INTS6: variants seen among roughly 807,000 people sequenced by gnomAD.
INTS6 encodes the protein DEAD box protein.
A neutral mutation model predicts 104.9 loss-of-function variants in INTS6; 16 were observed. The ratio of observed to expected loss-of-function variants is 0.15; its 90% confidence interval spans 0.10 to 0.23. INTS6 has a LOEUF of 0.23. Among genes scored for constraint, INTS6 ranks in the 10% least tolerant of loss-of-function variants. The pLI is 1.00. For synonymous variants in INTS6, 324 were observed against 358.7 expected (o/e 0.90, Z 1.09); for missense variants, 584 against 1,062.8 (o/e 0.55, Z 6.26).
Position 51,378,322 on chromosome 13 carries a change from C to G in INTS6, c.1519G>C (p.Gly507Arg). The G allele has an allele frequency of 6.2e-7, 1 of 1,613,374 alleles. No individual in the cohort carries two copies. The highest frequency in any genetic ancestry group is 8.5e-7 in the Non-Finnish European group (1 of 1,179,468). Residue 507 changes from glycine to arginine, a missense_variant, in exon 12 of 18, where the codon GGA (glycine) becomes CGA (arginine). By Grantham distance (125) the Gly-to-Arg change is moderately radical. Coordinates refer to ENST00000311234, the MANE Select transcript of INTS6 (RefSeq NM_012141.3). Reference protein sequence around the residue: ...YRKDFQQLLQGISEDVPHRLL... With the variant: ...YRKDFQQLLQRISEDVPHRLL... The stretch of plus-strand genomic sequence containing the variant: ...CTGTGAGGGACATCCTCTGAAATTC[C>G]CTGGAGGAGTTGTTGAAAATCTTTC...
At chr13:51,367,362 T>C (rs1220995955) in intron 17 of INTS6, among the ~76,000 whole-genome samples, 3 of 152,062 alleles carry the variant, frequency 2.0e-5, no homozygotes, top group Non-Finnish European at 4.4e-5. Flanking sequence ...GTACTAATGA[T>C]CCTGGGCTAC....
intron 9 of INTS6, among the ~76,000 whole-genome samples, chr13:51,382,422 A>C (rs1296497873): frequency 1.3e-5 from 2 of 152,366 alleles, no homozygotes; most frequent in East Asian, 3.9e-4. Context: ...CAAAGCATGC[A>C]CAATGTTTTC....
chr13:51,452,964 G>C lies in INTS6; in HGVS notation c.-439C>G, dbSNP rs2138191242. 2 of 1,021,008 alleles carry C rather than the reference G, an allele frequency of 2.0e-6. No individual in the cohort carries two copies. The highest frequency in any genetic ancestry group is 2.3e-6 in the Non-Finnish European group (2 of 851,340). 63.2% of individuals were successfully genotyped at this position (1,021,008 alleles called of 1,614,324 possible). ...AGGGAAGATTGGCCCTGGGGCTGTT[G>C]GGAGAAGTTTCAGGGACTCCCTCCG... On this transcript the variant is annotated 5_prime_UTR_variant, in exon 1 of 18. Coordinates refer to ENST00000311234, the MANE Select transcript of INTS6 (RefSeq NM_012141.3). This position sits in a 1 kb window ranked among gnomAD's most constrained non-coding sequence, Gnocchi z 4.2.
intron 4 of INTS6, among the ~76,000 whole-genome samples, chr13:51,422,346 A>C (rs1454839037): frequency 6.6e-6 from 1 of 152,162 alleles, no homozygotes; most frequent in Admixed American, 6.6e-5. Flanking sequence ...GGATCTCTTT[A>C]CCCAGAAAAA....
chr13:51,359,900 A>G (rs1430813223), downstream of INTS6, among the ~76,000 whole-genome samples: 2 of 152,100 alleles, frequency 1.3e-5, no homozygotes, highest in Non-Finnish European at 2.9e-5. Context: ...AAAAAGACCA[A>G]CTGCTAAAAT....
Position 51,374,458 on chromosome 13 carries a change from CA to C in INTS6, c.1873-20del, listed in dbSNP as rs955618232. ...TCATACCCTTTAGCAAAAAAGAATA[CA>C]ACTTTCTTGAATTTACAAACAATGT... On this transcript the variant is annotated intron_variant, in intron 14 of 17. Transcript: ENST00000311234. The C allele has an allele frequency of 1.3e-6, 2 of 1,511,948 alleles. No homozygotes were observed. Among genetic ancestry groups the C allele is most frequent in the African/African-American group, 2.8e-5 (2 of 70,936 alleles). 93.7% of individuals were successfully genotyped at this position (1,511,948 alleles called of 1,614,324 possible).
intron 15 of INTS6, among the ~76,000 whole-genome samples, chr13:51,373,438 C>G (rs1955854284): frequency 6.6e-6 from 1 of 152,104 alleles, no homozygotes; most frequent in Non-Finnish European, 1.5e-5. Context: ...GATTAGGTCA[C>G]CATCATTTTA....
chr13:51,449,421 CA>C (rs1182706711), intron 3 of INTS6: 1 of 961,124 alleles, frequency 1.0e-6, no homozygotes, highest in African/African-American at 1.8e-5. Flanking sequence ...AAGGAAAATA[CA>C]GGTTTAAATT....
chr13:51,349,605 T>C (rs184325285), downstream of INTS6, among the ~76,000 whole-genome samples: 249 of 152,226 alleles, frequency 1.6e-3, no homozygotes, highest in African/African-American at 5.3e-3. Flanking sequence ...AAGAGACAGA[T>C]GGTGGGACTC....
At chr13:51,367,738 A>C (rs1482153244) in intron 17 of INTS6, 67 bp downstream of exon 17, 1 of 848,476 alleles carries the variant, frequency 1.2e-6, no homozygotes, top group Non-Finnish European at 1.9e-6. Flanking sequence ...GATACTATTA[A>C]AATACTGCCT....
chr13:51,375,320 C>T (rs575157243), intron 13 of INTS6, among the ~76,000 whole-genome samples: 4 of 149,922 alleles, frequency 2.7e-5, no homozygotes, highest in African/African-American at 9.9e-5. Flanking sequence ...CCACTGCACT[C>T]CAGCCTGGGC....
At chr13:51,400,694 T>C (rs962638889) in intron 4 of INTS6, among the ~76,000 whole-genome samples, 38 of 152,348 alleles carry the variant, frequency 2.5e-4, no homozygotes, top group African/African-American at 8.4e-4. Context: ...ATAGCATCTC[T>C]ACACATTGTT....
intron 16 of INTS6, among the ~76,000 whole-genome samples, chr13:51,368,543 T>C (rs1194942026): frequency 6.6e-6 from 1 of 152,172 alleles, no homozygotes; most frequent in Non-Finnish European, 1.5e-5. Context: ...TATCCTATAA[T>C]ATCACAGTTT....
Position 51,421,045 on chromosome 13 carries a change from A to G in INTS6, c.429+9249T>C, listed in dbSNP as rs184250360. On this transcript the variant is annotated intron_variant, in intron 4 of 17. Transcript: ENST00000311234. Reference sequence around the variant, plus strand: ...TTTATCAGTTTAGGGTTGTCATTCTATGTTGAATCAGATTCTCCAACAAAT... The same window carrying G: ...TTTATCAGTTTAGGGTTGTCATTCTGTGTTGAATCAGATTCTCCAACAAAT... The G allele has an allele frequency of 9.8e-6, 7 of 713,374 alleles. No homozygotes were observed. The East Asian group carries it at 8.0e-4, about 81-fold the overall frequency. 44.2% of individuals were successfully genotyped at this position (713,374 alleles called of 1,614,324 possible). A position where few individuals can be genotyped will look rare whatever the true frequency, so the allele number is the denominator to read the frequency against.
chr13:51,391,219 T>C (rs1265892154), intron 5 of INTS6, among the ~76,000 whole-genome samples: 2 of 152,150 alleles, frequency 1.3e-5, no homozygotes, highest in East Asian at 3.8e-4. Flanking sequence ...AAAGGTTGAG[T>C]ATCTTATTTC....
At chr13:51,448,870 A>T (rs1952978718) in intron 3 of INTS6, 1 of 152,244 alleles carries the variant, frequency 6.6e-6, no homozygotes, top group African/African-American at 2.4e-5. Context: ...ATACTTATGT[A>T]AAGACATTGA....
chr13:51,375,745 G>T (rs927406838), intron 13 of INTS6, among the ~76,000 whole-genome samples: 3 of 148,870 alleles, frequency 2.0e-5, no homozygotes, highest in African/African-American at 5.2e-5. Flanking sequence ...GTGTGTGTGT[G>T]TGTGTGTGTG....
At chr13:51,382,624 A>C (rs1956074374) in intron 9 of INTS6, among the ~76,000 whole-genome samples, 1 of 152,212 alleles carries the variant, frequency 6.6e-6, no homozygotes, top group African/African-American at 2.4e-5. Flanking sequence ...ATGAAAATTA[A>C]AGTGTAGATA....
At chr13:51,345,277 T>C in the INTS6 span, among the ~76,000 whole-genome samples, 5 of 152,242 alleles carry the variant, frequency 3.3e-5, 1 homozygote, top group South Asian at 1.0e-3. Context: ...TCCAGCATCC[T>C]TGATCATTTC....
Sources: allele counts gnomAD v4.1 joint callset (sites outside exome capture counted in the v4.1 genomes callset), GRCh38; gene constraint gnomAD v4.1.1; non-coding constraint Gnocchi (gnomAD v3.1); transcripts MANE v1.5; gene names NCBI Gene and HGNC (gene_info 2026-07-23, HGNC 2026-07-21).